GALNT12: variants seen among roughly 807,000 people sequenced by gnomAD.
GALNT12 encodes the protein UDP-GalNAc:polypeptide N-acetylgalactosaminyltransferase 12.
A neutral mutation model predicts 55.5 loss-of-function variants in GALNT12; 45 were observed. That is an observed-to-expected ratio of 0.81 (90% CI 0.64 to 1.04). The LOEUF (loss-of-function observed/expected upper bound fraction) is 1.04, where lower values mean the gene tolerates loss of function less well. GALNT12 is among the 50% of genes least tolerant of loss of function. GALNT12 has a pLI of 0.00. For missense variants in GALNT12, 709 were observed against 754.8 expected, an observed-to-expected ratio of 0.94 and a Z score of 0.71; for synonymous variants, 304 against 312.2, an observed-to-expected ratio of 0.97 and a Z score of 0.28.
At chr9:98,824,015 G>C (rs535877680) in intron 2 of GALNT12, among the ~76,000 whole-genome samples, 1 of 152,348 alleles carries the variant, frequency 6.6e-6, no homozygotes, top group East Asian at 1.9e-4. Context: ...CAAGTGTCAA[G>C]TCTGTAACAG....
At chr9:98,823,530 C>T in intron 2 of GALNT12, 105 bp downstream of exon 2, 1 of 948,742 alleles carries the variant, frequency 1.1e-6, no homozygotes, top group Non-Finnish European at 1.7e-6. Context: ...TAAGGATGGG[C>T]TTCCTGTATC....
At chr9:98,830,665 A>G (rs1835971735) in intron 3 of GALNT12, among the ~76,000 whole-genome samples, 1 of 152,222 alleles carries the variant, frequency 6.6e-6, no homozygotes. Context: ...CTTTTAAATA[A>G]TGCCCTCAAT....
At chr9:98,819,559 C>T (rs956251011) in intron 1 of GALNT12, among the ~76,000 whole-genome samples, 2 of 152,198 alleles carry the variant, frequency 1.3e-5, no homozygotes, top group Non-Finnish European at 2.9e-5. Context: ...AGCCTGTTCA[C>T]AGCTGAAGGG....
intron 5 of GALNT12, 51 bp from the exon 6 acceptor site, chr9:98,836,921 C>T (rs765159046): frequency 2.0e-5 from 32 of 1,582,904 alleles, no homozygotes; most frequent in Non-Finnish European, 2.6e-5. Flanking sequence ...ACTATGGACC[C>T]GCAGCTCATC....
At chr9:98,844,512 T>C (rs1242018389) in intron 8 of GALNT12, 9 of 370,660 alleles carry the variant, frequency 2.4e-5, no homozygotes, top group Non-Finnish European at 1.0e-5. Context: ...AGAATATCAT[T>C]CCTAGTGGCC....
intron 9 of GALNT12, among the ~76,000 whole-genome samples, chr9:98,846,897 C>T (rs1836433215): frequency 6.8e-6 from 1 of 147,070 alleles, no homozygotes; most frequent in South Asian, 2.2e-4. Flanking sequence ...AGCAGACTTA[C>T]TTTACTGAGG....
intron 6 of GALNT12, among the ~76,000 whole-genome samples, chr9:98,838,832 T>G (rs1273130015): frequency 6.6e-6 from 1 of 152,214 alleles, no homozygotes; most frequent in Admixed American, 6.5e-5. Context: ...AATAAAATTC[T>G]CATTTTATAG....
Position 98,849,097 on chromosome 9 carries a change from T to C in GALNT12, c.*5T>C. On this transcript the variant is annotated 3_prime_UTR_variant, in exon 10 of 10. Transcript: ENST00000375011. ...TTCAAAGAGCGCATGTTATGAAGCC[T>C]CGTGTATCAAGGAGCCCATCGAAGG... 1 of 1,614,110 alleles carries C rather than the reference T, an allele frequency of 6.2e-7. No individual in the cohort carries two copies. Among genetic ancestry groups the C allele is most frequent in the Non-Finnish European group, 8.5e-7 (1 of 1,180,002 alleles).
rs748116010 is a variant in GALNT12, at chr9:98,840,098, C to T, written c.1309C>T (p.His437Tyr). The change falls in exon 7 of 10, where the codon CAT becomes TAT. Residue 437 changes from histidine to tyrosine, a missense_variant. Coordinates refer to ENST00000375011, the MANE Select transcript of GALNT12 (RefSeq NM_024642.5). ...WFLETVYPEL[H>Y]VPEDRPGFFG... ...CTTGGAGACTGTGTATCCAGAACTG[C>T]ATGTGCCTGAGGACAGGCCTGGCTT... The T allele has an allele frequency of 5.0e-6, 8 of 1,613,952 alleles. No homozygotes were observed. The highest frequency in any genetic ancestry group is 5.9e-6 in the Non-Finnish European group (7 of 1,180,022).
intron 5 of GALNT12, 104 bp from the exon 6 acceptor site, chr9:98,836,868 T>C (rs1836161063): frequency 8.4e-7 from 1 of 1,193,358 alleles, no homozygotes; most frequent in Admixed American, 1.7e-5. Context: ...ATCTTGGCAG[T>C]GTCCATCATG....
At chr9:98,848,778 G>C in intron 9 of GALNT12, 174 bp from the exon 10 acceptor site, 1 of 741,764 alleles carries the variant, frequency 1.3e-6, no homozygotes, top group Non-Finnish European at 2.3e-6. Flanking sequence ...GCCTGTACAA[G>C]CCTGGTGCTG....
intron 1 of GALNT12, 114 bp downstream of exon 1, chr9:98,808,183 G>A (rs1835420326): frequency 1.3e-6 from 1 of 791,746 alleles, no homozygotes; most frequent in South Asian, 1.7e-5. Context: ...GCGTCTTATT[G>A]AGTCTTTCTC....
intron 9 of GALNT12, chr9:98,847,085 G>T (rs1836437597): frequency 3.3e-5 from 5 of 152,158 alleles, no homozygotes; most frequent in Admixed American, 3.3e-4. Flanking sequence ...CACCACACTT[G>T]CAGTCAGCTT....
chr9:98,835,955 C>T (rs990198629), intron 5 of GALNT12, among the ~76,000 whole-genome samples: 1 of 152,188 alleles, frequency 6.6e-6, no homozygotes, highest in Admixed American at 6.5e-5. Context: ...AGGCTGATCT[C>T]AAACTCCTGA....
At chr9:98,835,412 C>T (rs761684895) in intron 5 of GALNT12, 46 bp downstream of exon 5, 2 of 1,204,728 alleles carry the variant, frequency 1.7e-6, no homozygotes, top group South Asian at 1.2e-5. Context: ...AACTGATTCT[C>T]TCTTTGGGAA....
chr9:98,832,350 T>A (rs1836019223), intron 4 of GALNT12, among the ~76,000 whole-genome samples: 1 of 151,960 alleles, frequency 6.6e-6, no homozygotes, highest in African/African-American at 2.4e-5. Context: ...CAAGAACCTA[T>A]CTCTACAAAA....
At chr9:98,824,141 G>A (rs1835810114) in intron 2 of GALNT12, among the ~76,000 whole-genome samples, 1 of 152,214 alleles carries the variant, frequency 6.6e-6, no homozygotes, top group Admixed American at 6.5e-5. Flanking sequence ...ACTGGCCTCT[G>A]TGTGTTCTAA....
At position 98,826,850 on chromosome 9, in the gene GALNT12, C is replaced by T. The variant is rs2118377455; in HGVS notation, c.640C>T (p.Leu214=). The T allele has an allele frequency of 6.2e-7, 1 of 1,607,864 alleles. No homozygotes were observed. The highest frequency in any genetic ancestry group is 8.5e-7 in the Non-Finnish European group (1 of 1,177,594). ...AGAGGGCCTGGTGCGAGCCCGGCTG[C>T]TGGGGGCGTCTGCGGCGAGGGGCGA... ...KREGLVRARL[L]GASAARGDVL... The change falls in exon 3 of 10, where the codon CTG becomes TTG. Residue 214 remains leucine (L), a synonymous_variant. Transcript: ENST00000375011.
At position 98,807,753 on chromosome 9, in the gene GALNT12, G is replaced by A; in HGVS notation, c.55G>A (p.Glu19Lys). Residue 19 changes from glutamate to lysine, a missense_variant, in exon 1 of 10, where the codon GAG becomes AAG. Physicochemically the swap from Glu to Lys is moderately conservative, Grantham distance 56. Transcript: ENST00000375011. The part of the protein sequence containing the change: ...RCPRELRRGR[E>K]ALLVLLALLA... ...CCCGCGGGAACTGCGGCGCGGCCGG[G>A]AGGCGCTGTTGGTGCTCCTGGCGCT... 1 of 1,186,020 alleles carries A rather than the reference G, an allele frequency of 8.4e-7. No homozygotes were observed. The highest frequency in any genetic ancestry group is 2.4e-5 in the South Asian group (1 of 41,084). The allele number at this position is 1,186,020 out of a possible 1,614,324, so 73.5% of individuals were successfully genotyped here. A position where few individuals can be genotyped will look rare whatever the true frequency, so the allele number is the denominator to read the frequency against.
Sources: gnomAD v4.1 joint callset for allele counts (sites outside exome capture counted in the v4.1 genomes callset) on GRCh38, gnomAD v4.1.1 for gene constraint, MANE v1.5 for transcripts, NCBI Gene and HGNC (gene_info 2026-07-23, HGNC 2026-07-21) for gene names.